Variants in HEATR5B observed in about 807,000 individuals in gnomAD.
HEATR5B encodes the protein HEAT repeat-containing protein 5B.
HEATR5B carries 156 observed loss-of-function variants against 224.1 expected under a neutral mutation model. The ratio of observed to expected loss-of-function variants is 0.70; its 90% confidence interval spans 0.61 to 0.80. The LOEUF (loss-of-function observed/expected upper bound fraction) is 0.80. Ranked by LOEUF, HEATR5B falls within the 30% of genes least tolerant of loss-of-function variation. The pLI is 0.00. For synonymous variants in HEATR5B, 1,027 were observed against 893.0 expected, an observed-to-expected ratio of 1.15 and a Z score of -2.68; for missense variants, 2,323 against 2,535.5, an observed-to-expected ratio of 0.92 and a Z score of 1.80.
chr2:37,077,817 T>C lies in HEATR5B; in HGVS notation c.339-798A>G, dbSNP rs540845579. Among the ~76,000 whole-genome samples the C allele has an allele frequency of 3.0e-4, 46 of 152,370 alleles. 1 individual carries two copies. The South Asian group carries it at 3.3e-3, about 11-fold the overall frequency. ...AGAAACGGAATATAGCTCACATATT[T>C]GCATTGCTCACAGTGTCTACCTCTT... On this transcript the variant is annotated intron_variant, in intron 3 of 35. Transcript: ENST00000233099.
At chr2:37,058,305 G>GACTCCT (rs1386203610) in intron 14 of HEATR5B, 146 bp downstream of exon 14, 1 of 585,280 alleles carries the variant, frequency 1.7e-6, no homozygotes, top group Non-Finnish European at 3.1e-6. Context: ...GAGTCAACAA[G>GACTCCT]TATCAGCTAC....
At chr2:37,002,620 G>A in intron 31 of HEATR5B, 48 bp from the exon 32 acceptor site, 2 of 1,574,298 alleles carry the variant, frequency 1.3e-6, no homozygotes, top group Admixed American at 1.8e-5. Flanking sequence ...AAAAAAGTAT[G>A]TAAAACAACA....
intron 33 of HEATR5B, among the ~76,000 whole-genome samples, chr2:36,998,539 T>A (rs888089144): frequency 6.6e-6 from 1 of 152,196 alleles, no homozygotes; most frequent in Non-Finnish European, 1.5e-5. Flanking sequence ...TAGGTGTACA[T>A]CCTAGAAAAT....
chr2:37,079,895 A>G (rs1156742716), intron 2 of HEATR5B, among the ~76,000 whole-genome samples: 3 of 152,218 alleles, frequency 2.0e-5, no homozygotes, highest in Non-Finnish European at 4.4e-5. Context: ...ATAGACAAAC[A>G]AGTCCCTGCC....
Position 37,061,979 on chromosome 2 carries a change from G to A in HEATR5B, c.1656C>T (p.Thr552=). 6.2e-7 allele frequency: 1 copy of A among 1,613,852 alleles called. No individual in the cohort carries two copies. Among genetic ancestry groups the A allele is most frequent in the Non-Finnish European group, 8.5e-7 (1 of 1,179,812 alleles). The change falls in exon 11 of 36, where the codon ACC becomes ACT. Residue 552 remains threonine (T), a synonymous_variant. Coordinates refer to ENST00000233099, the MANE Select transcript of HEATR5B (RefSeq NM_019024.3). ...CTCCAAGTAAAAGCCAGCCAGCTTG[G>A]GTGCGCTGTAAAGATAGCCTGCTAT... The part of the protein sequence containing the change: ...AQNSRLSLQR[T]QAGWLLLGAL...
At chr2:37,063,786 G>C (rs1251466855) in intron 10 of HEATR5B, among the ~76,000 whole-genome samples, 2 of 151,784 alleles carry the variant, frequency 1.3e-5, no homozygotes, top group African/African-American at 4.8e-5. Context: ...AGAAAGAAAG[G>C]AGAAAAAAAA....
At chr2:37,059,756 G>A (rs1360686100) in intron 12 of HEATR5B, among the ~76,000 whole-genome samples, 2 of 151,668 alleles carry the variant, frequency 1.3e-5, no homozygotes, top group East Asian at 1.9e-4. Context: ...CACAGCACCC[G>A]GCCACTACAT....
chr2:37,047,029 C>T (rs1670243242), intron 18 of HEATR5B, among the ~76,000 whole-genome samples: 1 of 119,708 alleles, frequency 8.4e-6, no homozygotes. Context: ...GAACCAGACT[C>T]CACCTCAAAA....
intron 10 of HEATR5B, among the ~76,000 whole-genome samples, chr2:37,063,955 G>T (rs1671436775): frequency 6.6e-6 from 1 of 152,068 alleles, no homozygotes; most frequent in South Asian, 2.1e-4. Context: ...GGGATTACAG[G>T]CATGGGCCAC....
At chr2:37,047,657 A>T (rs1363846813) in intron 18 of HEATR5B, among the ~76,000 whole-genome samples, 2 of 152,196 alleles carry the variant, frequency 1.3e-5, no homozygotes, top group African/African-American at 4.8e-5. Flanking sequence ...TTACAGAATG[A>T]TTCCTGTCTT....
In HEATR5B at chr2:37,040,374, G is replaced by T. The variant is rs146469156; in HGVS notation, c.3001C>A (p.Arg1001=). Reference sequence around the variant, plus strand: ...GTAGTTATTATAGCACCCAAGCATCGACCCAAACACTGATGAACTTCTGTA... The same window carrying T: ...GTAGTTATTATAGCACCCAAGCATCTACCCAAACACTGATGAACTTCTGTA... ...SHTEVHQCLG[R]CLGAIITTVG... The change falls in exon 20 of 36, where the codon CGA becomes AGA. Residue 1001 remains arginine (R), a synonymous_variant. Coordinates refer to ENST00000233099, the MANE Select transcript of HEATR5B (RefSeq NM_019024.3). 6.2e-7 allele frequency: 1 copy of T among 1,613,712 alleles called. No individual in the cohort carries two copies.
At chr2:37,055,296 A>G (rs1017489041) in intron 16 of HEATR5B, among the ~76,000 whole-genome samples, 1 of 151,910 alleles carries the variant, frequency 6.6e-6, no homozygotes, top group Non-Finnish European at 1.5e-5. Flanking sequence ...TTATATGTTT[A>G]TATTTTTAAT....
chr2:37,007,145 C>T lies in HEATR5B; in HGVS notation c.4682G>A (p.Arg1561His), dbSNP rs200071878. 53 of 1,613,922 alleles carry T rather than the reference C, an allele frequency of 3.3e-5. 1 individual carries two copies. The highest frequency in any genetic ancestry group is 1.3e-4 in the Admixed American group (8 of 59,992). Residue 1561 changes from arginine to histidine, a missense_variant, in exon 29 of 36, where the codon CGT (arginine) becomes CAT (histidine). By Grantham distance (29) the Arg-to-His change is conservative. Transcript: ENST00000233099. ...CTGGTTTAAATTGACAGATGTAGAA[C>T]GTTTTTGTAAACCAGATATTGCTGC... is the stretch of plus-strand genomic sequence containing the variant. ...EAAAISGLQKRSTSVNLNQAS... is the reference protein window; with the variant it reads ...EAAAISGLQKHSTSVNLNQAS...
At position 37,058,460 on chromosome 2, in the gene HEATR5B, T is replaced by G; in HGVS notation, c.2050A>C (p.Thr684Pro). 6.3e-7 allele frequency: 1 copy of G among 1,596,958 alleles called. No individual in the cohort carries two copies. Among genetic ancestry groups the G allele is most frequent in the Non-Finnish European group, 8.6e-7 (1 of 1,164,972 alleles). The change falls in exon 14 of 36, where the codon ACT becomes CCT. Residue 684 changes from threonine (T) to proline (P), a missense_variant. Around this residue, in one of 12 missense-constraint regions of HEATR5B, gnomAD observed 502 missense variants for 517.8 expected, o/e 0.97. Transcript: ENST00000233099. ...CAAATTTTTAATTTACCTTCATAAGTTTTTGGAGGTAACAAAGCCAAGATA... is the reference window on the plus strand; with the variant it reads ...CAAATTTTTAATTTACCTTCATAAGGTTTTGGAGGTAACAAAGCCAAGATA... ...YDILALLPPK[T>P]YEGSFNALLR...
chr2:37,060,615 C>G lies in HEATR5B; in HGVS notation c.1815G>C (p.Gln605His). ...EKARGDSFTW[Q>H]VTLEGRAGAL... ...CTCCAGCACGACCTTCCAAAGTTACCTGCCAGGTAAAAGAATCGCCTCGGG... is the reference window on the plus strand; with the variant it reads ...CTCCAGCACGACCTTCCAAAGTTACGTGCCAGGTAAAAGAATCGCCTCGGG... Residue 605 changes from glutamine to histidine, a missense_variant, in exon 12 of 36, where the codon CAG becomes CAC. Coordinates refer to ENST00000233099, the MANE Select transcript of HEATR5B (RefSeq NM_019024.3). 6.2e-7 allele frequency: 1 copy of G among 1,613,828 alleles called. No individual in the cohort carries two copies. The highest frequency in any genetic ancestry group is 8.5e-7 in the Non-Finnish European group (1 of 1,179,802).
chr2:37,077,659 T>TC (rs1672316368), intron 3 of HEATR5B, among the ~76,000 whole-genome samples: 1 of 152,200 alleles, frequency 6.6e-6, no homozygotes. Context: ...GCCTCAACAA[T>TC]CCCTCTCTTC....
chr2:37,002,445 A>G lies in HEATR5B; in HGVS notation c.5178T>C (p.His1726=), dbSNP rs1667151075. Residue 1726 remains histidine, a synonymous_variant, in exon 32 of 36, where the codon CAT becomes CAC. Transcript: ENST00000233099. ...MELLMFILVR[H]MPHLSTKVSD... Reference sequence around the variant, plus strand: ...ACACCTTGGTACTGAGATGTGGCATATGCCGTACTAAAATGAACATCAGCA... The same window carrying G: ...ACACCTTGGTACTGAGATGTGGCATGTGCCGTACTAAAATGAACATCAGCA... 1.2e-6 allele frequency: 2 copies of G among 1,614,148 alleles called. No individual in the cohort carries two copies. Among genetic ancestry groups the G allele is most frequent in the Non-Finnish European group, 8.5e-7 (1 of 1,180,058 alleles).
chr2:37,040,655 G>T, intron 19 of HEATR5B, 137 bp from the exon 20 acceptor site: 2 of 602,966 alleles, frequency 3.3e-6, no homozygotes, highest in East Asian at 6.1e-5. Context: ...CAGATTGTAG[G>T]ATGTTTTCAT....
intron 16 of HEATR5B, among the ~76,000 whole-genome samples, chr2:37,056,191 T>A (rs895585403): frequency 6.6e-6 from 1 of 152,092 alleles, no homozygotes; most frequent in Non-Finnish European, 1.5e-5. Context: ...TAAAATACAG[T>A]CCACAATACA....
Sources: allele counts gnomAD v4.1 joint callset (sites outside exome capture counted in the v4.1 genomes callset), GRCh38; gene constraint gnomAD v4.1.1; regional missense constraint gnomAD v4.1.1; transcripts MANE v1.5; gene names NCBI Gene and HGNC (gene_info 2026-07-23, HGNC 2026-07-21).